SUMF1: variants seen among roughly 807,000 people sequenced by gnomAD.
SUMF1 encodes formylglycine-generating enzyme.
A neutral mutation model predicts 47.6 loss-of-function variants in SUMF1; 48 were observed. The ratio of observed to expected loss-of-function variants is 1.01; its 90% confidence interval spans 0.80 to 1.28. SUMF1 has a LOEUF of 1.28. SUMF1 is among the 50% of genes most tolerant of loss of function. The pLI, the probability that SUMF1 is intolerant of heterozygous loss-of-function variation, is 0.00. For synonymous variants in SUMF1, 230 were observed against 192.1 expected (o/e 1.20, Z -1.63); for missense variants, 571 against 485.4 (o/e 1.18, Z -1.66).
chr3:4,057,072 T>C (rs1695206379), intron 9 of SUMF1, among the ~76,000 whole-genome samples: 1 of 152,104 alleles, frequency 6.6e-6, no homozygotes, highest in Non-Finnish European at 1.5e-5. Context: ...ACAACAAGCA[T>C]GAATAACTTC....
intron 1 of SUMF1, among the ~76,000 whole-genome samples, chr3:4,462,810 T>C (rs574170473): frequency 5.3e-5 from 8 of 152,322 alleles, no homozygotes; most frequent in African/African-American, 1.9e-4. Flanking sequence ...CAGGGCTTAT[T>C]TATCTATACC....
intron 8 of SUMF1, among the ~76,000 whole-genome samples, chr3:4,251,962 A>T (rs1021795137): frequency 3.3e-5 from 5 of 152,192 alleles, no homozygotes; most frequent in Non-Finnish European, 7.4e-5. Context: ...TTCTATATGC[A>T]CGGGAAAACC....
intron 6 of SUMF1, 84 bp downstream of exon 6, chr3:4,417,044 G>A: frequency 7.9e-7 from 1 of 1,264,372 alleles, no homozygotes; most frequent in Non-Finnish European, 1.2e-6. Flanking sequence ...GAGTCACAAA[G>A]TGAGCAATGC....
chr3:4,360,584 T>A (rs1699727656), downstream of SUMF1, among the ~76,000 whole-genome samples: 1 of 152,086 alleles, frequency 6.6e-6, no homozygotes. Flanking sequence ...CTACCCACCT[T>A]GGCCTCCCAA....
At chr3:4,340,992 T>G (rs1405555437) in intron 8 of SUMF1, among the ~76,000 whole-genome samples, 1 of 152,180 alleles carries the variant, frequency 6.6e-6, no homozygotes, top group African/African-American at 2.4e-5. Flanking sequence ...CCACACAATA[T>G]CCTTTGTGTT....
chr3:4,045,557 G>A (rs1033048568), intron 9 of SUMF1, among the ~76,000 whole-genome samples: 1 of 152,050 alleles, frequency 6.6e-6, no homozygotes, highest in Non-Finnish European at 1.5e-5. Context: ...ATGTAAGGAT[G>A]TGTATGTAGA....
At chr3:4,336,292 G>T (rs1293144958) in intron 8 of SUMF1, among the ~76,000 whole-genome samples, 1 of 152,152 alleles carries the variant, frequency 6.6e-6, no homozygotes, top group Admixed American at 6.5e-5. Flanking sequence ...TGAGGCAGAT[G>T]GTTACAGTCT....
chr3:4,329,377 C>A (rs1234738156), intron 8 of SUMF1, among the ~76,000 whole-genome samples: 3 of 152,220 alleles, frequency 2.0e-5, no homozygotes, highest in African/African-American at 7.2e-5. Context: ...TTCCGTACAT[C>A]CTCTGAAATA....
chr3:4,411,847 A>C (rs1281059940), intron 6 of SUMF1, among the ~76,000 whole-genome samples: 1 of 152,206 alleles, frequency 6.6e-6, no homozygotes, highest in Non-Finnish European at 1.5e-5. Flanking sequence ...AATGAAAAAA[A>C]TATATATGTA....
At chr3:4,085,937 C>T (rs1574869593) in intron 8 of SUMF1, among the ~76,000 whole-genome samples, 4 of 152,116 alleles carry the variant, frequency 2.6e-5, no homozygotes, top group Admixed American at 2.6e-4. Context: ...AATACTCAAA[C>T]CACCTAGTCT....
rs1700220484 is a variant in SUMF1 at position 4,373,209 on chromosome 3, CA to C, written c.1014+3120del. On this transcript the variant is annotated intron_variant, in intron 8 of 8. Coordinates refer to ENST00000272902, the MANE Select transcript of SUMF1 (RefSeq NM_182760.4). Reference sequence around the variant, plus strand: ...AGTATGTAATCGAAAAGAAGACAAACAGAGAACAACAACAGGTGAGACAAAG... The same window carrying C: ...AGTATGTAATCGAAAAGAAGACAAACGAGAACAACAACAGGTGAGACAAAG... 3.5e-5 allele frequency among the ~76,000 whole-genome samples: 5 copies of C among 144,562 alleles called. 1 individual carries two copies. The highest frequency in any genetic ancestry group is 1.5e-5 in the Non-Finnish European group (1 of 64,732). 94.8% of individuals were successfully genotyped at this position (144,562 alleles called of 152,430 possible).
intron 7 of SUMF1, among the ~76,000 whole-genome samples, chr3:4,383,991 C>A (rs1700590493): frequency 7.0e-6 from 1 of 142,770 alleles, no homozygotes; most frequent in South Asian, 2.1e-4. Flanking sequence ...AAAAACTTAA[C>A]AACACAGTGT....
intron 8 of SUMF1, among the ~76,000 whole-genome samples, chr3:4,163,230 G>A (rs972094804): frequency 5.3e-5 from 8 of 151,324 alleles, no homozygotes; most frequent in Non-Finnish European, 8.8e-5. Flanking sequence ...TTGAAGAGAA[G>A]AGAAACAAAA....
intron 8 of SUMF1, among the ~76,000 whole-genome samples, chr3:4,103,487 T>G (rs1459797335): frequency 6.6e-6 from 1 of 151,970 alleles, no homozygotes; most frequent in East Asian, 1.9e-4. Flanking sequence ...AAGAAAGTGG[T>G]GAAACGGATA....
chr3:4,205,703 T>C (rs2125156733), intron 8 of SUMF1, among the ~76,000 whole-genome samples: 1 of 152,256 alleles, frequency 6.6e-6, no homozygotes, highest in African/African-American at 2.4e-5. Context: ...GCCTTGGTGG[T>C]CTTGGGCAAG....
chr3:4,077,432 T>A (rs1692463669), intron 8 of SUMF1, among the ~76,000 whole-genome samples: 1 of 151,976 alleles, frequency 6.6e-6, no homozygotes, highest in Admixed American at 6.6e-5. Flanking sequence ...ATAGACTGGA[T>A]AAAGAAAATG....
intron 8 of SUMF1, among the ~76,000 whole-genome samples, chr3:4,135,352 A>C (rs1693900131): frequency 6.6e-6 from 1 of 152,162 alleles, no homozygotes. Flanking sequence ...CCAGCATATA[A>C]ACAGAATAAA....
chr3:4,069,897 C>T (rs1357580369), intron 8 of SUMF1, among the ~76,000 whole-genome samples: 1 of 152,160 alleles, frequency 6.6e-6, no homozygotes, highest in African/African-American at 2.4e-5. Flanking sequence ...TCCCCTTTCC[C>T]CTTTGTTTTC....
chr3:4,238,382 C>T (rs141375627), intron 8 of SUMF1, among the ~76,000 whole-genome samples: 1,972 of 152,228 alleles, frequency 0.013, 44 homozygotes, highest in African/African-American at 0.044. Flanking sequence ...AACTAATTTA[C>T]ACTCCCACCA....
Sources: gnomAD v4.1 joint callset for allele counts (sites outside exome capture counted in the v4.1 genomes callset) on GRCh38, gnomAD v4.1.1 for gene constraint, MANE v1.5 for transcripts, NCBI Gene and HGNC (gene_info 2026-07-23, HGNC 2026-07-21) for gene names.